ZBTB16: variants seen among roughly 807,000 people sequenced by gnomAD.
ZBTB16 encodes the protein zinc finger and BTB domain-containing protein 16.
In ZBTB16, 8 loss-of-function variants were observed where a neutral mutation model predicts 56.8. That is an observed-to-expected ratio of 0.14 (90% CI 0.08 to 0.25). The LOEUF (loss-of-function observed/expected upper bound fraction) is 0.25, where lower values mean the gene tolerates loss of function less well. Among genes scored for constraint, ZBTB16 ranks in the 10% least tolerant of loss-of-function variants. The pLI, the probability that ZBTB16 is intolerant of heterozygous loss-of-function variation, is 1.00. For missense variants in ZBTB16, 625 were observed against 903.0 expected (o/e 0.69, Z 3.95); for synonymous variants, 363 against 368.5 (o/e 0.98, Z 0.17).
intron 2 of ZBTB16, chr11:114,121,740 C>A: frequency 2.2e-6 from 1 of 448,412 alleles, no homozygotes; most frequent in South Asian, 1.6e-5. Context: ...GATCCCAAAT[C>A]CTTGCCCAGT....
At chr11:114,228,731 C>G (rs534198078) in intron 4 of ZBTB16, among the ~76,000 whole-genome samples, 1 of 152,358 alleles carries the variant, frequency 6.6e-6, no homozygotes, top group East Asian at 1.9e-4. Context: ...AGGCCGCCAG[C>G]CTGCTGTCTG....
At chr11:114,101,036 T>C (rs1940589631) in intron 2 of ZBTB16, among the ~76,000 whole-genome samples, 1 of 152,126 alleles carries the variant, frequency 6.6e-6, no homozygotes, top group South Asian at 2.1e-4. Context: ...GGTCTTACTC[T>C]GTTGCTCAGG....
chr11:114,143,936 A>G lies in ZBTB16; in HGVS notation c.1269-12401A>G, dbSNP rs41504049. ...GCTCGTTGGGCCTCGAGTCACTGGT[A>G]TTATGCATTTCCTGTGTGCTCGGGA... On this transcript the variant is annotated intron_variant, in intron 2 of 6. Coordinates refer to ENST00000335953, the MANE Select transcript of ZBTB16 (RefSeq NM_006006.6). This position sits in a 1 kb window ranked among gnomAD's most constrained non-coding sequence, Gnocchi z 6.4. Among the ~76,000 whole-genome samples the G allele has an allele frequency of 0.025, 3,865 of 152,214 alleles. 165 individuals carry two copies. The highest frequency in any genetic ancestry group is 0.087 in the African/African-American group (3,613 of 41,508).
chr11:114,062,731 G>C (rs1005792391), intron 1 of ZBTB16, among the ~76,000 whole-genome samples: 1 of 152,236 alleles, frequency 6.6e-6, no homozygotes, highest in African/African-American at 2.4e-5. Flanking sequence ...TGGGGCTCCT[G>C]TAGTGAGGCA....
chr11:114,246,038 A>AAGGCAAG (rs1291051714), intron 5 of ZBTB16, among the ~76,000 whole-genome samples: 27 of 152,154 alleles, frequency 1.8e-4, no homozygotes. Flanking sequence ...TTGGATATGA[A>AAGGCAAG]AGGCAAGATG....
chr11:114,078,789 G>A (rs1939658836), intron 2 of ZBTB16, among the ~76,000 whole-genome samples: 1 of 152,160 alleles, frequency 6.6e-6, no homozygotes, highest in Admixed American at 6.5e-5. Context: ...AGGGAAGAAG[G>A]TTGGCTTTAG....
chr11:114,209,629 G>A, intron 4 of ZBTB16: 1 of 985,380 alleles, frequency 1.0e-6, no homozygotes, highest in Non-Finnish European at 1.2e-6. Flanking sequence ...TCTGCCTTAG[G>A]GTGGTGACTA....
intron 4 of ZBTB16, among the ~76,000 whole-genome samples, chr11:114,224,404 A>G (rs1440035060): frequency 1.3e-5 from 2 of 152,210 alleles, no homozygotes; most frequent in Non-Finnish European, 2.9e-5. Context: ...ACAAGAAAAA[A>G]GAGCTTTTTT....
chr11:114,214,862 AT>A (rs1029690876), intron 4 of ZBTB16, among the ~76,000 whole-genome samples: 3 of 151,804 alleles, frequency 2.0e-5, no homozygotes, highest in East Asian at 1.9e-4. Context: ...TTTTGAAATT[AT>A]TTTTTTTCCT....
At chr11:114,199,221 A>T (rs1408781717) in intron 4 of ZBTB16, among the ~76,000 whole-genome samples, 1 of 149,190 alleles carries the variant, frequency 6.7e-6, no homozygotes, top group Non-Finnish European at 1.5e-5. Flanking sequence ...GGGATGACGG[A>T]CATGGATGCC....
intron 2 of ZBTB16, among the ~76,000 whole-genome samples, chr11:114,087,079 T>A (rs1166100071): frequency 1.3e-5 from 2 of 152,170 alleles, no homozygotes; most frequent in Non-Finnish European, 2.9e-5. Context: ...ACTTTCTAAG[T>A]GGCAAACACT....
chr11:114,233,803 A>C (rs983097859), intron 4 of ZBTB16, among the ~76,000 whole-genome samples: 8 of 152,134 alleles, frequency 5.3e-5, no homozygotes, highest in South Asian at 2.1e-4. Context: ...TGAGCTGACA[A>C]ATTTGTTTAC....
rs61418615 is a variant in ZBTB16 at position 114,064,938 on chromosome 11, G to C, written c.1268+370G>C. 6.6e-6 allele frequency among the ~76,000 whole-genome samples: 1 copy of C among 152,022 alleles called. No individual in the cohort carries two copies. The highest frequency in any genetic ancestry group is 1.5e-5 in the Non-Finnish European group (1 of 68,006). ...AAAGGAGTGGGATGAGGGTCTCTTG[G>C]GCCCTGCATCTGACCATGTTACTAG... On this transcript the variant is annotated intron_variant, in intron 2 of 6. Coordinates refer to ENST00000335953, the MANE Select transcript of ZBTB16 (RefSeq NM_006006.6). This position sits in a 1 kb window ranked among gnomAD's most constrained non-coding sequence, Gnocchi z 4.2.
chr11:114,231,574 T>C (rs569827564), intron 4 of ZBTB16, among the ~76,000 whole-genome samples: 34 of 152,314 alleles, frequency 2.2e-4, no homozygotes, highest in Non-Finnish European at 4.4e-4. Flanking sequence ...TGTGAAATTT[T>C]CCCATCTTCC....
chr11:114,070,387 C>A (rs937083268), intron 2 of ZBTB16, among the ~76,000 whole-genome samples: 2 of 152,072 alleles, frequency 1.3e-5, no homozygotes, highest in South Asian at 4.1e-4. Context: ...GGATTACAGG[C>A]GTGAGCCACC....
At position 114,204,841 on chromosome 11, in the gene ZBTB16, T is replaced by A. The variant is rs368871413; in HGVS notation, c.1453+17803T>A. On this transcript the variant is annotated intron_variant, in intron 4 of 6. Transcript: ENST00000335953. ...CCCCACATTCAGTCTTCTTAGAAAC[T>A]GTTTCCCTTTTGGTTTTCTCTAGGC... Among the ~76,000 whole-genome samples the A allele has an allele frequency of 2.0e-5, 3 of 152,312 alleles. No homozygotes were observed. The South Asian group carries it at 6.2e-4, about 32-fold the overall frequency.
intron 5 of ZBTB16, among the ~76,000 whole-genome samples, chr11:114,245,963 C>A (rs7116460): frequency 6.6e-6 from 1 of 151,952 alleles, no homozygotes; most frequent in Admixed American, 6.5e-5. Flanking sequence ...TTATTGTCTG[C>A]GCCTTCACTC....
chr11:114,173,354 G>A (rs1488552165), intron 3 of ZBTB16, among the ~76,000 whole-genome samples: 1 of 152,186 alleles, frequency 6.6e-6, no homozygotes, highest in Non-Finnish European at 1.5e-5. Context: ...CAGGGGAGGG[G>A]AAGGGAGGGT....
At chr11:114,180,172 G>A (rs1943214682) in intron 3 of ZBTB16, among the ~76,000 whole-genome samples, 1 of 152,142 alleles carries the variant, frequency 6.6e-6, no homozygotes, top group Non-Finnish European at 1.5e-5. Context: ...GGAGGTGTCG[G>A]GAAGTCAGGG....
Sources: allele counts gnomAD v4.1 joint callset (sites outside exome capture counted in the v4.1 genomes callset), GRCh38; gene constraint gnomAD v4.1.1; non-coding constraint Gnocchi (gnomAD v3.1); transcripts MANE v1.5; gene names NCBI Gene and HGNC (gene_info 2026-07-23, HGNC 2026-07-21).